Variants in UBE2V2 observed in about 807,000 individuals in gnomAD.
UBE2V2 encodes ubiquitin conjugating enzyme E2 V2, also known as ubiquitin-conjugating enzyme E2 variant 2.
UBE2V2 carries 9 observed loss-of-function variants against 17.2 expected under a neutral mutation model. The observed-to-expected ratio is 0.52, with a 90% confidence interval of 0.32 to 0.91. The LOEUF (loss-of-function observed/expected upper bound fraction) is 0.91, where lower values mean the gene tolerates loss of function less well. Among genes scored for constraint, UBE2V2 ranks in the 40% least tolerant of loss-of-function variants. UBE2V2 has a pLI of 0.04. For synonymous variants in UBE2V2, 61 were observed against 57.5 expected (o/e 1.06, Z -0.28); for missense variants, 133 against 182.6 (o/e 0.73, Z 1.56).
chr8:47,999,040 A>G, the UBE2V2 span, among the ~76,000 whole-genome samples: 1 of 152,112 alleles, frequency 6.6e-6, no homozygotes, highest in Non-Finnish European at 1.5e-5. Context: ...ACCTTCCCCT[A>G]TGCGGTCTGA....
intron 3 of UBE2V2, among the ~76,000 whole-genome samples, chr8:48,050,688 CA>C (rs796549178): frequency 0.02 from 1,254 of 61,802 alleles, 8 homozygotes; most frequent in South Asian, 0.048. Flanking sequence ...AACTCCGTCT[CA>C]AAAAAAAAAA....
chr8:48,059,848 G>C (rs191625528), intron 3 of UBE2V2, among the ~76,000 whole-genome samples: 1 of 152,286 alleles, frequency 6.6e-6, no homozygotes, highest in East Asian at 1.9e-4. Flanking sequence ...CAGGTCAAAT[G>C]CTGACAGTTA....
At chr8:48,017,539 A>G (rs898453717) in intron 1 of UBE2V2, among the ~76,000 whole-genome samples, 1 of 151,824 alleles carries the variant, frequency 6.6e-6, no homozygotes, top group Non-Finnish European at 1.5e-5. Context: ...ATGCACTGCT[A>G]ATTTTGTATT....
At chr8:48,049,632 C>T in intron 2 of UBE2V2, 1 of 331,724 alleles carries the variant, frequency 3.0e-6, no homozygotes, top group Non-Finnish European at 5.4e-6. Context: ...TGTAAAATCT[C>T]ATGGAATTAA....
chr8:48,043,944 T>C (rs906749717), intron 2 of UBE2V2, among the ~76,000 whole-genome samples: 35 of 151,546 alleles, frequency 2.3e-4, no homozygotes, highest in African/African-American at 7.3e-4. Context: ...TTTTTTTACA[T>C]TGCATTCCTT....
chr8:48,011,735 C>T (rs2091233288), intron 1 of UBE2V2, among the ~76,000 whole-genome samples: 1 of 152,168 alleles, frequency 6.6e-6, no homozygotes, highest in South Asian at 2.1e-4. Context: ...CTCACTGCAG[C>T]CTCGACCTGC....
intron 1 of UBE2V2, 80 bp downstream of exon 1, chr8:48,008,550 T>C (rs2091202605): frequency 6.7e-7 from 1 of 1,497,792 alleles, no homozygotes; most frequent in Non-Finnish European, 8.9e-7. Flanking sequence ...GCCCGAGCGC[T>C]GACCGTGCGG....
At chr8:47,999,157 G>T in the UBE2V2 span, among the ~76,000 whole-genome samples, 4 of 152,174 alleles carry the variant, frequency 2.6e-5, no homozygotes, top group East Asian at 7.7e-4. Flanking sequence ...AGAGACTTGG[G>T]GAAGGGTGGG....
chr8:48,028,865 T>C (rs911208777), intron 1 of UBE2V2, among the ~76,000 whole-genome samples: 4 of 152,210 alleles, frequency 2.6e-5, no homozygotes, highest in African/African-American at 7.2e-5. Flanking sequence ...TGGATACAAG[T>C]CCTTTATCAG....
chr8:48,045,359 C>T (rs1386183122), intron 2 of UBE2V2, among the ~76,000 whole-genome samples: 1 of 152,160 alleles, frequency 6.6e-6, no homozygotes, highest in Non-Finnish European at 1.5e-5. Flanking sequence ...GACAGTGATG[C>T]AACAGCGTGA....
At chr8:48,013,297 T>C (rs1055932437) in intron 1 of UBE2V2, among the ~76,000 whole-genome samples, 8 of 151,120 alleles carry the variant, frequency 5.3e-5, no homozygotes, top group Non-Finnish European at 1.2e-4. Context: ...CCACATTACA[T>C]TGTAACGTGA....
chr8:48,058,614 A>G (rs537373707), intron 3 of UBE2V2, among the ~76,000 whole-genome samples: 1 of 151,614 alleles, frequency 6.6e-6, no homozygotes, highest in African/African-American at 2.4e-5. Flanking sequence ...AAGTGATGAG[A>G]ATGGACATCC....
the UBE2V2 span, among the ~76,000 whole-genome samples, chr8:48,002,749 A>T: frequency 4.6e-5 from 7 of 152,298 alleles, no homozygotes; most frequent in East Asian, 1.2e-3. Context: ...GGAGGAATAA[A>T]TTCAGATCTA....
At chr8:48,033,424 A>G (rs1356247827) in intron 1 of UBE2V2, among the ~76,000 whole-genome samples, 2 of 151,806 alleles carry the variant, frequency 1.3e-5, no homozygotes, top group Admixed American at 1.3e-4. Context: ...GGACTCAAGT[A>G]ATCCTCCTGC....
rs1802624295 is a variant in UBE2V2, at chr8:48,063,536, A to G, written c.*2708A>G. On this transcript the variant is annotated 3_prime_UTR_variant, in exon 4 of 4. Coordinates refer to ENST00000523111, the MANE Select transcript of UBE2V2 (RefSeq NM_003350.3). ...GATCATATACTAATAAAGATTACCA[A>G]AAGAAACTTCTTGTCCTGTTAGGTC... is the stretch of plus-strand genomic sequence containing the variant. 1 of 152,222 alleles carries G rather than the reference A, an allele frequency of 6.6e-6. No individual in the cohort carries two copies. Among genetic ancestry groups the G allele is most frequent in the South Asian group, 2.1e-4 (1 of 4,836 alleles). The allele number at this position is 152,222 out of a possible 1,614,324, so 9.4% of individuals were successfully genotyped here.
intron 2 of UBE2V2, among the ~76,000 whole-genome samples, chr8:48,049,411 G>A (rs1465184586): frequency 1.3e-5 from 2 of 152,142 alleles, no homozygotes; most frequent in Admixed American, 1.3e-4. Flanking sequence ...ATAGGAATAA[G>A]CAGAACTGTT....
chr8:48,003,229 A>G, the UBE2V2 span, among the ~76,000 whole-genome samples: 1 of 151,938 alleles, frequency 6.6e-6, no homozygotes, highest in Non-Finnish European at 1.5e-5. Context: ...AAAAAAAAAA[A>G]AAGAGAGAAT....
chr8:48,021,299 G>A (rs1405194553), intron 1 of UBE2V2, among the ~76,000 whole-genome samples: 1 of 143,674 alleles, frequency 7.0e-6, no homozygotes, highest in Non-Finnish European at 1.5e-5. Context: ...GGCTGGTCTC[G>A]AACCCTTTTT....
chr8:48,035,264 C>T (rs1433275836), intron 1 of UBE2V2, among the ~76,000 whole-genome samples: 1 of 151,762 alleles, frequency 6.6e-6, no homozygotes, highest in Non-Finnish European at 1.5e-5. Context: ...TACAGGTGTG[C>T]ACCACCATGC....
Sources: gnomAD v4.1 joint callset for allele counts (sites outside exome capture counted in the v4.1 genomes callset) on GRCh38, gnomAD v4.1.1 for gene constraint, MANE v1.5 for transcripts, NCBI Gene and HGNC (gene_info 2026-07-23, HGNC 2026-07-21) for gene names.